The following NOVA1 variants were observed in gnomAD, a reference collection of about 807,000 sequenced individuals.
The protein encoded by NOVA1 is NOVA alternative splicing regulator 1.
Under a neutral mutation model 38.0 loss-of-function variants are expected in NOVA1, and 7 were observed. The observed-to-expected ratio is 0.18, with a 90% CI of 0.10 to 0.35. The LOEUF (loss-of-function observed/expected upper bound fraction) is 0.35. Among genes scored for constraint, NOVA1 ranks in the 10% least tolerant of loss-of-function variants. NOVA1 has a pLI of 1.00. For synonymous variants in NOVA1, 270 were observed against 232.5 expected (o/e 1.16, Z -1.47); for missense variants, 460 against 616.0 (o/e 0.75, Z 2.68).
At chr14:26,531,721 A>C (rs1169404137) in intron 2 of NOVA1, among the ~76,000 whole-genome samples, 1 of 152,236 alleles carries the variant, frequency 6.6e-6, no homozygotes, top group Non-Finnish European at 1.5e-5. Flanking sequence ...ACTGGACTTC[A>C]TGAAAATTAA....
intron 4 of NOVA1, chr14:26,470,594 AT>A: frequency 1.2e-6 from 1 of 825,918 alleles, no homozygotes; most frequent in Non-Finnish European, 2.0e-6. Flanking sequence ...AAATAGCAAA[AT>A]TTAGATTTGG....
chr14:26,556,332 A>G (rs191279592), intron 2 of NOVA1, among the ~76,000 whole-genome samples: 7 of 152,306 alleles, frequency 4.6e-5, no homozygotes, highest in Admixed American at 3.9e-4. Flanking sequence ...AAGAAAGCCC[A>G]GAAACAAACC....
At chr14:26,558,435 T>C (rs1357453016) in intron 2 of NOVA1, among the ~76,000 whole-genome samples, 1 of 152,072 alleles carries the variant, frequency 6.6e-6, no homozygotes, top group Non-Finnish European at 1.5e-5. Context: ...AAGAAATACA[T>C]GGCAACACTT....
intron 4 of NOVA1, among the ~76,000 whole-genome samples, chr14:26,453,671 C>T (rs566292222): frequency 6.6e-6 from 1 of 152,070 alleles, no homozygotes; most frequent in African/African-American, 2.4e-5. Context: ...ATAAGAACTC[C>T]AACTCATGAT....
chr14:26,573,362 C>A (rs1892609825), intron 2 of NOVA1, among the ~76,000 whole-genome samples: 1 of 151,904 alleles, frequency 6.6e-6, no homozygotes, highest in South Asian at 2.1e-4. Flanking sequence ...AGTAGACTAC[C>A]CTTTCAAAAA....
intron 2 of NOVA1, among the ~76,000 whole-genome samples, chr14:26,510,439 T>C (rs1225439633): frequency 2.6e-5 from 4 of 152,030 alleles, no homozygotes; most frequent in Non-Finnish European, 4.4e-5. Context: ...ACAACATGCA[T>C]AAAATAAAAG....
Position 26,533,308 on chromosome 14 carries a change from C to T in NOVA1, c.281-53165G>A, listed in dbSNP as rs539778283. On this transcript the variant is annotated intron_variant, in intron 2 of 4. Transcript: ENST00000539517. ...AGCCCTCGCTTAGGAGCCACTTATG[C>T]ATTTTGCGGTAATGCAATGGGTAAG... is the stretch of plus-strand genomic sequence containing the variant. Among the ~76,000 whole-genome samples, 21 of 152,278 alleles carry T rather than the reference C, an allele frequency of 1.4e-4. No homozygotes were observed. In the South Asian group the frequency reaches 4.3e-3, roughly 32 times the overall value.
chr14:26,565,460 C>G (rs1348206234), intron 2 of NOVA1, among the ~76,000 whole-genome samples: 2 of 152,112 alleles, frequency 1.3e-5, no homozygotes, highest in Non-Finnish European at 2.9e-5. Flanking sequence ...CCTAATTCTA[C>G]AGTCCACCAC....
chr14:26,506,022 T>A (rs1251397223), intron 2 of NOVA1, among the ~76,000 whole-genome samples: 1 of 152,138 alleles, frequency 6.6e-6, no homozygotes, highest in African/African-American at 2.4e-5. Flanking sequence ...AAACCAGTTG[T>A]ACATAAAAAT....
intron 2 of NOVA1, among the ~76,000 whole-genome samples, chr14:26,555,189 A>G (rs1891405082): frequency 1.3e-5 from 2 of 152,154 alleles, no homozygotes; most frequent in African/African-American, 2.4e-5. Context: ...TCTGACTTAT[A>G]GTTTAATAAC....
intron 1 of NOVA1, 38 bp from the exon 2 acceptor site, chr14:26,595,591 A>G: frequency 6.3e-7 from 1 of 1,590,298 alleles, no homozygotes; most frequent in Non-Finnish European, 8.6e-7. Flanking sequence ...TTAACACAGT[A>G]TTTCAAACTT....
intron 2 of NOVA1, among the ~76,000 whole-genome samples, chr14:26,546,648 T>G (rs1890804852): frequency 6.6e-6 from 1 of 152,196 alleles, no homozygotes; most frequent in Non-Finnish European, 1.5e-5. Flanking sequence ...TTAAAGCCTC[T>G]AATGGAAAGC....
intron 2 of NOVA1, among the ~76,000 whole-genome samples, chr14:26,548,127 T>C (rs546837290): frequency 3.5e-4 from 51 of 144,480 alleles, no homozygotes; most frequent in Admixed American, 1.4e-3. Context: ...CGACCCCCTC[T>C]ATTGATTCTA....
At chr14:26,524,868 A>G (rs1277704823) in intron 2 of NOVA1, among the ~76,000 whole-genome samples, 1 of 152,180 alleles carries the variant, frequency 6.6e-6, no homozygotes, top group East Asian at 1.9e-4. Context: ...AGGTATCAAT[A>G]TTTTACAATG....
intron 2 of NOVA1, among the ~76,000 whole-genome samples, chr14:26,521,544 A>G (rs957130182): frequency 1.3e-5 from 2 of 152,056 alleles, no homozygotes; most frequent in African/African-American, 4.8e-5. Flanking sequence ...CTTTTATAAC[A>G]GATTTGTCTT....
At chr14:26,472,468 A>T (rs1884662631) in intron 3 of NOVA1, 77 bp from the exon 4 acceptor site, 2 of 574,516 alleles carry the variant, frequency 3.5e-6, no homozygotes, top group Non-Finnish European at 5.5e-6. Flanking sequence ...ACAAAATAAA[A>T]TAAAATGTAA....
At chr14:26,505,816 C>T (rs941607616) in intron 2 of NOVA1, among the ~76,000 whole-genome samples, 8 of 151,990 alleles carry the variant, frequency 5.3e-5, no homozygotes, top group African/African-American at 1.2e-4. Context: ...ACAAATAAAA[C>T]GGTAACACTG....
At chr14:26,477,299 T>A (rs532252917) in intron 3 of NOVA1, among the ~76,000 whole-genome samples, 1 of 152,178 alleles carries the variant, frequency 6.6e-6, no homozygotes, top group African/African-American at 2.4e-5. Context: ...CTTACTTTGA[T>A]TTTTTTTAAA....
intron 4 of NOVA1, among the ~76,000 whole-genome samples, chr14:26,467,014 A>C (rs1188295484): frequency 1.3e-5 from 2 of 152,198 alleles, no homozygotes; most frequent in East Asian, 3.8e-4. Context: ...AAATGGACTA[A>C]GATAACAGTA....
Sources: gnomAD v4.1 joint callset for allele counts (sites outside exome capture counted in the v4.1 genomes callset) on GRCh38, gnomAD v4.1.1 for gene constraint, MANE v1.5 for transcripts, NCBI Gene and HGNC (gene_info 2026-07-23, HGNC 2026-07-21) for gene names.